APBA2: variants seen among roughly 807,000 people sequenced by gnomAD.
APBA2 encodes the protein amyloid-beta A4 precursor protein-binding family A member 2.
In APBA2, 30 loss-of-function variants were observed where a neutral mutation model predicts 75.0. The ratio of observed to expected loss-of-function variants is 0.40; its 90% confidence interval spans 0.30 to 0.54. The LOEUF is 0.54. Ranked by LOEUF, APBA2 falls within the 20% of genes least tolerant of loss-of-function variation. APBA2 has a pLI of 0.49. For synonymous variants in APBA2, 444 were observed against 409.6 expected (o/e 1.08, Z -1.01); for missense variants, 801 against 1,016.1 (o/e 0.79, Z 2.88).
rs2039243801 is a variant in APBA2, at chr15:29,008,564, A to G, written c.-41+12758A>G. ...CTGGGAGACTCCCATCTCTACATAG[A>G]ATTAAAATAACAGATTAGCTAGGTG... On this transcript the variant is annotated intron_variant, in intron 3 of 14. Coordinates refer to ENST00000683413, the MANE Select transcript of APBA2 (RefSeq NM_001353788.2). 2.0e-5 allele frequency among the ~76,000 whole-genome samples: 3 copies of G among 152,164 alleles called. No homozygotes were observed. The South Asian group carries it at 6.3e-4, about 32-fold the overall frequency.
At chr15:28,910,751 G>A (rs1316302346) in intron 1 of APBA2, among the ~76,000 whole-genome samples, 1 of 152,112 alleles carries the variant, frequency 6.6e-6, no homozygotes, top group Non-Finnish European at 1.5e-5. Context: ...GCAATGAAGA[G>A]ATTTTTCTCT....
At chr15:29,006,181 TAGA>T (rs1159304823) in intron 3 of APBA2, among the ~76,000 whole-genome samples, 1 of 152,222 alleles carries the variant, frequency 6.6e-6, no homozygotes, top group African/African-American at 2.4e-5. Context: ...ATGCAATATG[TAGA>T]AGGCCTTAAA....
chr15:28,894,575 G>A (rs909544020), intron 1 of APBA2, among the ~76,000 whole-genome samples: 1 of 152,186 alleles, frequency 6.6e-6, no homozygotes, highest in South Asian at 2.1e-4. Flanking sequence ...GGGCACCCTG[G>A]GCACAGGGGG....
intron 2 of APBA2, among the ~76,000 whole-genome samples, chr15:28,976,504 T>C (rs982832602): frequency 6.6e-6 from 1 of 152,232 alleles, no homozygotes; most frequent in Non-Finnish European, 1.5e-5. Context: ...AGTCTCCTTC[T>C]GGTCCTAATT....
At chr15:28,943,660 G>A (rs1157475496) in intron 2 of APBA2, among the ~76,000 whole-genome samples, 1 of 152,136 alleles carries the variant, frequency 6.6e-6, no homozygotes, top group African/African-American at 2.4e-5. Flanking sequence ...AGTACATGAT[G>A]CCTACAGTGT....
In APBA2 at chr15:28,900,312, G is replaced by T. The variant is rs146878670; in HGVS notation, c.-205+14034G>T. 3.6e-3 allele frequency among the ~76,000 whole-genome samples: 545 copies of T among 152,318 alleles called. 7 individuals carry two copies. Among genetic ancestry groups the T allele is most frequent in the African/African-American group, 0.012 (515 of 41,572 alleles). On this transcript the variant is annotated intron_variant, in intron 1 of 14. Transcript: ENST00000683413. ...GCAAATCACCAATGCTGGGCACCGT[G>T]CATCAGCGTCGTGGTGACGGCAGCA...
chr15:29,058,854 G>A (rs144439222), intron 4 of APBA2, among the ~76,000 whole-genome samples: 2,136 of 151,194 alleles, frequency 0.014, 29 homozygotes, highest in Middle Eastern at 0.027. Context: ...CTTTTGCCAT[G>A]TGGCATTGTA....
intron 2 of APBA2, among the ~76,000 whole-genome samples, chr15:28,981,525 C>G (rs1297196160): frequency 6.6e-6 from 1 of 152,156 alleles, no homozygotes; most frequent in Non-Finnish European, 1.5e-5. Context: ...TGGCAAGGCT[C>G]TGAGGAAAAG....
At chr15:28,955,059 C>T (rs772451823) in intron 2 of APBA2, among the ~76,000 whole-genome samples, 3 of 152,124 alleles carry the variant, frequency 2.0e-5, no homozygotes, top group Non-Finnish European at 4.4e-5. Flanking sequence ...GCCTTTCCGA[C>T]GCTGTGCGCA....
At chr15:28,916,603 G>A (rs1349812170) in intron 1 of APBA2, among the ~76,000 whole-genome samples, 6 of 152,210 alleles carry the variant, frequency 3.9e-5, no homozygotes, top group South Asian at 2.1e-4. Context: ...TTGCACGTGT[G>A]TATGGGCTGG....
intron 2 of APBA2, among the ~76,000 whole-genome samples, chr15:28,987,431 T>G (rs904435756): frequency 2.0e-5 from 3 of 152,064 alleles, no homozygotes; most frequent in African/African-American, 7.2e-5. Context: ...CGACTTCACC[T>G]GGCTGTTGGC....
At chr15:29,018,041 G>C (rs890205062) in intron 3 of APBA2, among the ~76,000 whole-genome samples, 1 of 152,136 alleles carries the variant, frequency 6.6e-6, no homozygotes, top group Admixed American at 6.6e-5. Context: ...AAATTGACTG[G>C]AGTGTCTGCA....
intron 6 of APBA2, among the ~76,000 whole-genome samples, chr15:29,086,897 T>C (rs1297540428): frequency 6.6e-6 from 1 of 152,134 alleles, no homozygotes; most frequent in African/African-American, 2.4e-5. Context: ...TGCAAAGAGG[T>C]CAGTTTCTTC....
At chr15:29,022,509 G>T (rs2040002928) in intron 3 of APBA2, among the ~76,000 whole-genome samples, 1 of 151,364 alleles carries the variant, frequency 6.6e-6, no homozygotes, top group Admixed American at 6.6e-5. Flanking sequence ...CGTAACTCAG[G>T]GATATATATA....
chr15:29,107,196 G>T (rs2044463884), intron 12 of APBA2, among the ~76,000 whole-genome samples: 1 of 152,172 alleles, frequency 6.6e-6, no homozygotes, highest in African/African-American at 2.4e-5. Flanking sequence ...CCCCCTCAGT[G>T]CTGGTGGGCT....
In APBA2 at chr15:29,000,449, C is replaced by T. The variant is rs988683194; in HGVS notation, c.-41+4643C>T. Among the ~76,000 whole-genome samples, 7 of 152,170 alleles carry T rather than the reference C, an allele frequency of 4.6e-5. No individual in the cohort carries two copies. In the East Asian group the frequency reaches 5.8e-4, roughly 13 times the overall value. On this transcript the variant is annotated intron_variant, in intron 3 of 14. Transcript: ENST00000683413. ...TGGTAAACCCCTGGATGTAGGCACA[C>T]GGACCCCAGTGTTCTGTGCTGTGGG...
chr15:28,923,724 G>A (rs889701965), intron 2 of APBA2, among the ~76,000 whole-genome samples: 1 of 152,202 alleles, frequency 6.6e-6, no homozygotes, highest in Non-Finnish European at 1.5e-5. Flanking sequence ...CTGAGTGGCT[G>A]GGAGTCTGAC....
At chr15:28,992,764 T>A (rs1354704534) in intron 2 of APBA2, among the ~76,000 whole-genome samples, 1 of 152,164 alleles carries the variant, frequency 6.6e-6, no homozygotes, top group Non-Finnish European at 1.5e-5. Flanking sequence ...TGTATTTGTG[T>A]GTCCCTCTGG....
intron 2 of APBA2, among the ~76,000 whole-genome samples, chr15:28,935,299 G>T (rs903497706): frequency 6.6e-6 from 1 of 152,152 alleles, no homozygotes; most frequent in Non-Finnish European, 1.5e-5. Context: ...ACAGCACTTC[G>T]CATGGGTTTG....
Sources: allele counts gnomAD v4.1 joint callset (sites outside exome capture counted in the v4.1 genomes callset), GRCh38; gene constraint gnomAD v4.1.1; transcripts MANE v1.5; gene names NCBI Gene and HGNC (gene_info 2026-07-23, HGNC 2026-07-21).